Variants in SDR42E1 observed in about 807,000 individuals in gnomAD.
SDR42E1 encodes the protein short chain dehydrogenase/reductase family 42E, member 1.
SDR42E1 carries 5 observed loss-of-function variants against 2.6 expected under a neutral mutation model. The ratio of observed to expected loss-of-function variants is 1.94; its 90% CI spans 1.01 to 4.08. The LOEUF (loss-of-function observed/expected upper bound fraction) is 4.08, where lower values mean the gene tolerates loss of function less well. Among genes scored for constraint, SDR42E1 ranks in the 30% most tolerant of loss-of-function variants. SDR42E1 has a pLI of 0.00. For missense variants in SDR42E1, 596 were observed against 478.6 expected (o/e 1.25, Z -2.29); for synonymous variants, 231 against 188.3 (o/e 1.23, Z -1.86).
At position 81,991,366 on chromosome 16, in the gene SDR42E1, G is replaced by A. The variant is rs1193837800; in HGVS notation, c.*7745C>T. Reference sequence around the variant, plus strand: ...TTTACTTTAATTGCAAATGAAGTTCGAGTAACACTTAGCCTTGAATAATGT... The same window carrying A: ...TTTACTTTAATTGCAAATGAAGTTCAAGTAACACTTAGCCTTGAATAATGT... On this transcript the variant is annotated 3_prime_UTR_variant, in exon 3 of 3. Transcript: ENST00000328945. The A allele has an allele frequency of 6.6e-6, 1 of 152,048 alleles. No homozygotes were observed. Among genetic ancestry groups the A allele is most frequent in the African/African-American group, 2.4e-5 (1 of 41,374 alleles). The allele number at this position is 152,048 out of a possible 1,614,324, so 9.4% of individuals were successfully genotyped here.
intron 1 of SDR42E1, among the ~76,000 whole-genome samples, chr16:82,003,510 C>T (rs1444687242): frequency 1.3e-5 from 2 of 152,208 alleles, no homozygotes; most frequent in Non-Finnish European, 2.9e-5. Flanking sequence ...ACTGGCACTC[C>T]GTGCTCCAAC....
intron 1 of SDR42E1, among the ~76,000 whole-genome samples, chr16:82,001,431 C>T (rs965894081): frequency 3.3e-5 from 5 of 152,080 alleles, no homozygotes; most frequent in African/African-American, 1.2e-4. Context: ...GCCCCACCTC[C>T]CCCACCGCAA....
chr16:82,010,181 T>C (rs759153255), intron 1 of SDR42E1, among the ~76,000 whole-genome samples: 38 of 152,234 alleles, frequency 2.5e-4, no homozygotes, highest in Non-Finnish European at 4.7e-4. Context: ...GAGAATGGAT[T>C]AATACAGGTA....
At chr16:82,007,603 G>C (rs182680873) in intron 1 of SDR42E1, 31 of 152,346 alleles carry the variant, frequency 2.0e-4, no homozygotes, top group South Asian at 6.2e-4. Context: ...AGCACTCGAG[G>C]CTGTGCAGAG....
At chr16:82,006,563 TG>T (rs763815831) in intron 1 of SDR42E1, among the ~76,000 whole-genome samples, 3 of 152,074 alleles carry the variant, frequency 2.0e-5, no homozygotes, top group Non-Finnish European at 4.4e-5. Flanking sequence ...AAGGCTGAGG[TG>T]GGTGGATCAC....
At chr16:82,010,252 A>T (rs1367548781) in intron 1 of SDR42E1, among the ~76,000 whole-genome samples, 2 of 152,236 alleles carry the variant, frequency 1.3e-5, no homozygotes, top group Admixed American at 6.5e-5. Flanking sequence ...TAGTATTATC[A>T]TCAGCTTTCA....
chr16:82,001,075 C>T (rs561692410), intron 1 of SDR42E1, among the ~76,000 whole-genome samples, 191 bp from the exon 2 acceptor site: 140 of 152,308 alleles, frequency 9.2e-4, no homozygotes, highest in South Asian at 6.2e-4. Flanking sequence ...CCCGATGTAA[C>T]ATGGGGACAG....
Position 81,989,615 on chromosome 16 carries a change from G to C in SDR42E1, c.*9496C>G, listed in dbSNP as rs1204753574. The C allele has an allele frequency of 1.3e-5, 2 of 152,190 alleles. No homozygotes were observed. Among genetic ancestry groups the C allele is most frequent in the Non-Finnish European group, 2.9e-5 (2 of 68,036 alleles). 9.4% of individuals were successfully genotyped at this position (152,190 alleles called of 1,614,324 possible). On this transcript the variant is annotated 3_prime_UTR_variant, in exon 3 of 3. Coordinates refer to ENST00000328945, the MANE Select transcript of SDR42E1 (RefSeq NM_145168.3). ...TCAAAATTTAGAGCAGAGAGGCATA[G>C]ATGCCTACTTGTTCTCTAGCATGGT... is the stretch of plus-strand genomic sequence containing the variant.
rs1912660887 is a variant in SDR42E1, at chr16:81,999,498, G to T, written c.795C>A (p.Phe265Leu). Residue 265 changes from phenylalanine (F) to leucine (L), a missense_variant, in exon 3 of 3, where the codon TTC (phenylalanine) becomes TTA (leucine). Transcript: ENST00000328945. ...SDGRPVNNFE[F>L]FRPLVEGLGY... ...CCAGGCCCTCAACCAGAGGCCGGAA[G>T]AACTCAAAGTTGTTCACGGGTCTGC... 1 of 1,614,070 alleles carries T rather than the reference G, an allele frequency of 6.2e-7. No homozygotes were observed.
Position 81,999,381 on chromosome 16 carries a change from G to C in SDR42E1, c.912C>G (p.Leu304=). The change falls in exon 3 of 3, where the codon CTC becomes CTG. Residue 304 remains leucine (L), a synonymous_variant. Coordinates refer to ENST00000328945, the MANE Select transcript of SDR42E1 (RefSeq NM_145168.3). The part of the protein sequence containing the change: ...TEMVHFILGR[L]YNFQPFLTRT... ...GAGTGAGGAAGGGCTGGAAGTTGTA[G>C]AGTCGACCCAAAATGAAGTGAACCA... 6.2e-7 allele frequency: 1 copy of C among 1,614,172 alleles called. No individual in the cohort carries two copies. The highest frequency in any genetic ancestry group is 1.7e-5 in the Admixed American group (1 of 60,032).
Position 81,999,489 on chromosome 16 carries a change from A to G in SDR42E1, c.804T>C (p.Pro268=). The G allele has an allele frequency of 6.2e-7, 1 of 1,614,204 alleles. No individual in the cohort carries two copies. Among genetic ancestry groups the G allele is most frequent in the Non-Finnish European group, 8.5e-7 (1 of 1,180,024 alleles). The change falls in exon 3 of 3, where the codon CCT becomes CCC. Residue 268 remains proline, a synonymous_variant. Coordinates refer to ENST00000328945, the MANE Select transcript of SDR42E1 (RefSeq NM_145168.3). The part of the protein sequence containing the change: ...RPVNNFEFFR[P]LVEGLGYTFP... ...ATGTGTAGCCCAGGCCCTCAACCAG[A>G]GGCCGGAAGAACTCAAAGTTGTTCA...
Position 81,996,923 on chromosome 16 carries a change from A to G in SDR42E1, c.*2188T>C, listed in dbSNP as rs1254564783. Reference sequence around the variant, plus strand: ...CCCGAGACTGTGGAAACGACAGTGCATGGCTGTGGCTGTGAGTATAAAATC... The same window carrying G: ...CCCGAGACTGTGGAAACGACAGTGCGTGGCTGTGGCTGTGAGTATAAAATC... On this transcript the variant is annotated 3_prime_UTR_variant, in exon 3 of 3. Transcript: ENST00000328945. The G allele has an allele frequency of 1.3e-5, 2 of 152,248 alleles. No homozygotes were observed. The highest frequency in any genetic ancestry group is 2.9e-5 in the Non-Finnish European group (2 of 68,092). 9.4% of individuals were successfully genotyped at this position (152,248 alleles called of 1,614,324 possible). A position where few individuals can be genotyped will look rare whatever the true frequency, so the allele number is the denominator to read the frequency against.
chr16:82,003,927 T>C (rs535838627), intron 1 of SDR42E1, among the ~76,000 whole-genome samples: 71 of 152,310 alleles, frequency 4.7e-4, no homozygotes, highest in African/African-American at 1.6e-3. Flanking sequence ...TTCAGTAAAA[T>C]TGTGATGGGC....
chr16:82,000,766 G>A, intron 2 of SDR42E1, 25 bp downstream of exon 2: 3 of 1,532,780 alleles, frequency 2.0e-6, no homozygotes, highest in Non-Finnish European at 2.7e-6. Context: ...ATAATTCCAT[G>A]TGTATATTTT....
chr16:81,992,331 G>T lies in SDR42E1; in HGVS notation c.*6780C>A, dbSNP rs1421539340. 1 of 152,090 alleles carries T rather than the reference G, an allele frequency of 6.6e-6. No individual in the cohort carries two copies. The highest frequency in any genetic ancestry group is 2.4e-5 in the African/African-American group (1 of 41,402). The allele number at this position is 152,090 out of a possible 1,614,324, so 9.4% of individuals were successfully genotyped here. On this transcript the variant is annotated 3_prime_UTR_variant, in exon 3 of 3. Transcript: ENST00000328945. ...CCAGAAGCTAAATCCCCTATGAAAG[G>T]CACAGGACTATAAATCAGTGGAGTG...
intron 1 of SDR42E1, among the ~76,000 whole-genome samples, chr16:82,009,057 G>A (rs1913041155): frequency 6.6e-6 from 1 of 152,084 alleles, no homozygotes; most frequent in Admixed American, 6.5e-5. Flanking sequence ...TCCATGCGGT[G>A]TTAAGCCTGT....
intron 1 of SDR42E1, among the ~76,000 whole-genome samples, chr16:82,008,486 G>C (rs1393681581): frequency 6.6e-6 from 1 of 152,234 alleles, no homozygotes; most frequent in African/African-American, 2.4e-5. Context: ...AGACAATAAA[G>C]TCCAGGCTGA....
chr16:82,000,738 C>T (rs1912728473), intron 2 of SDR42E1, 53 bp downstream of exon 2: 2 of 1,348,014 alleles, frequency 1.5e-6, no homozygotes, highest in Non-Finnish European at 2.1e-6. Flanking sequence ...TTGAATGCTT[C>T]TGGCAACTAC....
rs542333991 is a variant in SDR42E1, at chr16:81,992,553, T to C, written c.*6558A>G. 6.6e-6 allele frequency: 1 copy of C among 152,290 alleles called. No individual in the cohort carries two copies. Among genetic ancestry groups the C allele is most frequent in the South Asian group, 2.1e-4 (1 of 4,828 alleles). 9.4% of individuals were successfully genotyped at this position (152,290 alleles called of 1,614,324 possible). A position where few individuals can be genotyped will look rare whatever the true frequency, so the allele number is the denominator to read the frequency against. ...CAGTATTTTACTCTTGGATCTGAAA[T>C]ATGGCTCCACTGGGAGGCTAGAGCA... On this transcript the variant is annotated 3_prime_UTR_variant, in exon 3 of 3. Transcript: ENST00000328945.
Sources: allele counts gnomAD v4.1 joint callset (sites outside exome capture counted in the v4.1 genomes callset), GRCh38; gene constraint gnomAD v4.1.1; transcripts MANE v1.5; gene names NCBI Gene and HGNC (gene_info 2026-07-23, HGNC 2026-07-21).